Variants in WDR7 observed in about 807,000 individuals in gnomAD.
WDR7 encodes the protein WD repeat-containing protein 7.
A neutral mutation model predicts 169.4 loss-of-function variants in WDR7; 46 were observed. That is an observed-to-expected ratio of 0.27 (90% CI 0.21 to 0.35). The LOEUF is 0.35. WDR7 is among the 10% of genes least tolerant of loss of function. The pLI, the probability that WDR7 is intolerant of heterozygous loss-of-function variation, is 1.00. For missense variants in WDR7, 1,534 were observed against 1,859.3 expected (o/e 0.83, Z 3.22); for synonymous variants, 612 against 666.8 (o/e 0.92, Z 1.27).
intron 26 of WDR7, among the ~76,000 whole-genome samples, chr18:57,014,776 A>C (rs1457442236): frequency 6.6e-6 from 1 of 152,224 alleles, no homozygotes; most frequent in Non-Finnish European, 1.5e-5. Context: ...GAGAGAGTTT[A>C]AGGAAAATCC....
In WDR7 at chr18:56,865,769, T is replaced by C. The variant is rs187933241; in HGVS notation, c.3305-14175T>C. 9.8e-5 allele frequency among the ~76,000 whole-genome samples: 15 copies of C among 152,292 alleles called. No individual in the cohort carries two copies. The East Asian group carries it at 2.9e-3, about 29-fold the overall frequency. On this transcript the variant is annotated intron_variant, in intron 20 of 27. Coordinates refer to ENST00000254442, the MANE Select transcript of WDR7 (RefSeq NM_015285.3). ...CTCAGTACTTTGTTTTTGGTATGTTTCAGTATTTCATATTTATCTTTCATA... is the reference window on the plus strand; with the variant it reads ...CTCAGTACTTTGTTTTTGGTATGTTCCAGTATTTCATATTTATCTTTCATA...
intron 19 of WDR7, among the ~76,000 whole-genome samples, chr18:56,808,002 A>G (rs2044805151): frequency 6.6e-6 from 1 of 152,166 alleles, no homozygotes; most frequent in Non-Finnish European, 1.5e-5. Flanking sequence ...ATGGAAAGCA[A>G]AAGGTTATCT....
chr18:56,975,215 G>A (rs908450963), intron 26 of WDR7, among the ~76,000 whole-genome samples: 2 of 151,930 alleles, frequency 1.3e-5, no homozygotes, highest in African/African-American at 4.8e-5. Flanking sequence ...CAGCCTAGGC[G>A]ACAGAGCAAG....
At chr18:56,885,112 C>A (rs2046168297) in intron 21 of WDR7, among the ~76,000 whole-genome samples, 1 of 152,098 alleles carries the variant, frequency 6.6e-6, no homozygotes, top group Non-Finnish European at 1.5e-5. Context: ...AAGGGAGCAC[C>A]CCATGGGACA....
intron 25 of WDR7, among the ~76,000 whole-genome samples, chr18:56,948,887 TC>T (rs1269865435): frequency 6.6e-6 from 1 of 152,166 alleles, no homozygotes; most frequent in African/African-American, 2.4e-5. Flanking sequence ...ATTGCTGAGT[TC>T]CAAGCCCAGG....
intron 1 of WDR7, among the ~76,000 whole-genome samples, chr18:56,668,035 G>C (rs1348227466): frequency 6.6e-6 from 1 of 152,152 alleles, no homozygotes; most frequent in African/African-American, 2.4e-5. Flanking sequence ...TTTCTCTTCT[G>C]CAGAACTCCA....
At chr18:56,887,641 G>C (rs2046214507) in intron 21 of WDR7, among the ~76,000 whole-genome samples, 1 of 151,288 alleles carries the variant, frequency 6.6e-6, no homozygotes, top group African/African-American at 2.4e-5. Flanking sequence ...ACATGGATTT[G>C]CTTTTAACTT....
chr18:56,723,547 G>T (rs1366403674), intron 13 of WDR7, among the ~76,000 whole-genome samples: 1 of 152,042 alleles, frequency 6.6e-6, no homozygotes, highest in East Asian at 1.9e-4. Context: ...CTTCTGGGTT[G>T]CATTATTTTC....
At chr18:56,691,398 A>C (rs2025567167) in intron 8 of WDR7, 37 bp downstream of exon 8, 1 of 1,538,702 alleles carries the variant, frequency 6.5e-7, no homozygotes, top group Non-Finnish European at 8.7e-7. Context: ...AGTCATCAAA[A>C]GTAAAAGATT....
chr18:56,753,708 C>T (rs954537004), intron 14 of WDR7, among the ~76,000 whole-genome samples: 4 of 149,890 alleles, frequency 2.7e-5, no homozygotes, highest in African/African-American at 9.9e-5. Flanking sequence ...AATAGGGTGT[C>T]GATGGAAGAG....
At chr18:56,898,285 C>G (rs2046355943) in intron 21 of WDR7, among the ~76,000 whole-genome samples, 2 of 151,998 alleles carry the variant, frequency 1.3e-5, no homozygotes, top group African/African-American at 4.8e-5. Context: ...GGATAAGGGA[C>G]AGCTCTTACA....
intron 18 of WDR7, among the ~76,000 whole-genome samples, chr18:56,781,289 A>T (rs1292291720): frequency 6.6e-6 from 1 of 152,222 alleles, no homozygotes; most frequent in Non-Finnish European, 1.5e-5. Context: ...AAATTGTTGA[A>T]ACCTAATTCT....
intron 13 of WDR7, among the ~76,000 whole-genome samples, chr18:56,722,021 A>G (rs2026333577): frequency 6.6e-6 from 1 of 152,114 alleles, no homozygotes; most frequent in African/African-American, 2.4e-5. Context: ...GTTTTCTGAT[A>G]TTTCTCTTTT....
At chr18:56,817,945 AT>A (rs1367927311) in intron 20 of WDR7, among the ~76,000 whole-genome samples, 1 of 152,122 alleles carries the variant, frequency 6.6e-6, no homozygotes, top group Admixed American at 6.6e-5. Context: ...GAGTTTCACC[AT>A]ATTGGCCAGG....
chr18:56,793,165 C>T (rs547121420), intron 19 of WDR7, among the ~76,000 whole-genome samples: 138 of 152,312 alleles, frequency 9.1e-4, no homozygotes, highest in African/African-American at 3.2e-3. Flanking sequence ...TGCCATACCA[C>T]CCTGAATGCG....
At chr18:56,656,184 T>C (rs2024766883) in intron 1 of WDR7, among the ~76,000 whole-genome samples, 1 of 152,158 alleles carries the variant, frequency 6.6e-6, no homozygotes, top group African/African-American at 2.4e-5. Flanking sequence ...CAAAGTGTTT[T>C]CTGGAGTGGT....
chr18:56,776,738 ACTT>A (rs1203746513), intron 16 of WDR7, 41 bp from the exon 17 acceptor site: 1 of 1,544,956 alleles, frequency 6.5e-7, no homozygotes, highest in East Asian at 2.2e-5. Flanking sequence ...AAACTGCTGT[ACTT>A]CAATTCTCTC....
intron 13 of WDR7, among the ~76,000 whole-genome samples, chr18:56,731,121 C>T (rs1029216091): frequency 6.6e-6 from 1 of 151,806 alleles, no homozygotes; most frequent in Non-Finnish European, 1.5e-5. Context: ...AGTGGAAAAG[C>T]CTGGAGAAGG....
intron 13 of WDR7, among the ~76,000 whole-genome samples, chr18:56,720,809 C>T (rs1308618576): frequency 6.6e-6 from 1 of 151,954 alleles, no homozygotes; most frequent in East Asian, 1.9e-4. Context: ...TAAAATACAG[C>T]ATGTAATATT....
Sources: gnomAD v4.1 joint callset for allele counts (sites outside exome capture counted in the v4.1 genomes callset) on GRCh38, gnomAD v4.1.1 for gene constraint, MANE v1.5 for transcripts, NCBI Gene and HGNC (gene_info 2026-07-23, HGNC 2026-07-21) for gene names.